Variants in GREM2 observed in about 807,000 individuals in gnomAD.
GREM2 encodes gremlin 2, DAN family BMP antagonist.
A neutral mutation model predicts 14.2 loss-of-function variants in GREM2; 11 were observed. The observed-to-expected ratio is 0.78, with a 90% CI of 0.49 to 1.28. The LOEUF (loss-of-function observed/expected upper bound fraction) is 1.28, where lower values mean the gene tolerates loss of function less well. Ranked by LOEUF, GREM2 falls within the 50% of genes most tolerant of loss-of-function variation. GREM2 has a pLI of 0.00. For missense variants in GREM2, 210 were observed against 218.5 expected, an observed-to-expected ratio of 0.96 and a Z score of 0.24; for synonymous variants, 98 against 97.6, an observed-to-expected ratio of 1.00 and a Z score of -0.02.
chr1:240,555,211 T>G (rs1678932259), intron 1 of GREM2, among the ~76,000 whole-genome samples: 1 of 151,988 alleles, frequency 6.6e-6, no homozygotes, highest in Non-Finnish European at 1.5e-5. Context: ...GAGGCCTTAT[T>G]TTGTAATATT....
chr1:240,495,953 T>G (rs12733347), intron 1 of GREM2, among the ~76,000 whole-genome samples: 275 of 110,732 alleles, frequency 2.5e-3, no homozygotes, highest in Middle Eastern at 0.016. Flanking sequence ...TTTTGTTTTT[T>G]TTTTGATGGA....
At chr1:240,524,519 ATGGTGT>A (rs1397913125) in intron 1 of GREM2, among the ~76,000 whole-genome samples, 2 of 152,244 alleles carry the variant, frequency 1.3e-5, no homozygotes, top group Non-Finnish European at 2.9e-5. Context: ...TTTACAATAA[ATGGTGT>A]TGGGACAACT....
At chr1:240,507,580 A>G (rs888481594) in intron 1 of GREM2, among the ~76,000 whole-genome samples, 1 of 152,094 alleles carries the variant, frequency 6.6e-6, no homozygotes, top group Admixed American at 6.5e-5. Context: ...TGATACGCCC[A>G]CCTTGGCCTC....
chr1:240,547,877 T>G (rs1380422913), intron 1 of GREM2, among the ~76,000 whole-genome samples: 1 of 151,728 alleles, frequency 6.6e-6, no homozygotes, highest in Non-Finnish European at 1.5e-5. Context: ...AGCCAGCTAT[T>G]GAATAAGTAA....
At chr1:240,521,558 G>C (rs981497513) in intron 1 of GREM2, among the ~76,000 whole-genome samples, 1 of 151,864 alleles carries the variant, frequency 6.6e-6, no homozygotes. Flanking sequence ...GCGACAGTGT[G>C]AGACTCCGTC....
At chr1:240,532,689 A>G (rs1407308756) in intron 1 of GREM2, among the ~76,000 whole-genome samples, 1 of 149,570 alleles carries the variant, frequency 6.7e-6, no homozygotes, top group Non-Finnish European at 1.5e-5. Flanking sequence ...AGATAGATAT[A>G]TGGCAAGAAC....
chr1:240,607,299 C>G (rs1934338), intron 1 of GREM2, among the ~76,000 whole-genome samples: 78,568 of 151,776 alleles, frequency 0.52, 21,360 homozygotes, highest in East Asian at 0.85. Context: ...CAGGTGCAAA[C>G]CCAGGTCTCC....
intron 1 of GREM2, among the ~76,000 whole-genome samples, chr1:240,570,230 G>A (rs1447678442): frequency 2.0e-5 from 3 of 152,160 alleles, no homozygotes; most frequent in African/African-American, 7.2e-5. Context: ...TTGGGAGGCT[G>A]AGGCGGGCAG....
chr1:240,548,296 T>TTAAA (rs900359441), intron 1 of GREM2, among the ~76,000 whole-genome samples: 3 of 151,484 alleles, frequency 2.0e-5, no homozygotes, highest in African/African-American at 2.4e-5. Context: ...ATAATAATAA[T>TTAAA]TAAATAAATA....
At chr1:240,589,627 A>G (rs958572894) in intron 1 of GREM2, among the ~76,000 whole-genome samples, 5 of 152,028 alleles carry the variant, frequency 3.3e-5, no homozygotes, top group African/African-American at 9.7e-5. Flanking sequence ...TCCTGATCTC[A>G]TGGGAGATCC....
chr1:240,526,106 T>C (rs1204770787), intron 1 of GREM2, among the ~76,000 whole-genome samples: 1 of 152,162 alleles, frequency 6.6e-6, no homozygotes, highest in Admixed American at 6.5e-5. Context: ...TCTCTCCATC[T>C]GAGGTCCTTA....
chr1:240,594,904 G>A (rs1403533566), intron 1 of GREM2, among the ~76,000 whole-genome samples: 1 of 152,104 alleles, frequency 6.6e-6, no homozygotes, highest in African/African-American at 2.4e-5. Flanking sequence ...TTACTGTACT[G>A]AATAGTATAA....
intron 1 of GREM2, among the ~76,000 whole-genome samples, chr1:240,535,230 G>C (rs149808133): frequency 3.9e-5 from 6 of 152,216 alleles, no homozygotes; most frequent in African/African-American, 1.4e-4. Context: ...ATAACAATCT[G>C]AGTTGATATG....
intron 1 of GREM2, among the ~76,000 whole-genome samples, chr1:240,553,769 T>C (rs777767362): frequency 2.7e-4 from 41 of 152,270 alleles, no homozygotes; most frequent in Non-Finnish European, 5.4e-4. Flanking sequence ...TGAACTCTTA[T>C]CTTTACAGAC....
chr1:240,506,346 G>A (rs1677675844), intron 1 of GREM2, among the ~76,000 whole-genome samples: 1 of 152,096 alleles, frequency 6.6e-6, no homozygotes, highest in South Asian at 2.1e-4. Context: ...TAGCTAATGG[G>A]TCCATAGAGG....
intron 1 of GREM2, among the ~76,000 whole-genome samples, chr1:240,575,223 A>T (rs570576988): frequency 6.6e-6 from 1 of 152,230 alleles, no homozygotes; most frequent in East Asian, 1.9e-4. Context: ...TTTAACTGTG[A>T]TAGTATTCAC....
chr1:240,601,733 C>A (rs915771262), intron 1 of GREM2, among the ~76,000 whole-genome samples: 50 of 152,114 alleles, frequency 3.3e-4, no homozygotes, highest in African/African-American at 1.1e-3. Flanking sequence ...ATGGCGAAAC[C>A]CCGTCTCTGC....
At chr1:240,601,366 A>G (rs189222222) in intron 1 of GREM2, among the ~76,000 whole-genome samples, 14 of 152,240 alleles carry the variant, frequency 9.2e-5, no homozygotes, top group Admixed American at 3.3e-4. Flanking sequence ...TACCCACCCA[A>G]CATAACCTAC....
At chr1:240,521,742 T>C (rs1423480704) in intron 1 of GREM2, among the ~76,000 whole-genome samples, 1 of 152,184 alleles carries the variant, frequency 6.6e-6, no homozygotes, top group Non-Finnish European at 1.5e-5. Flanking sequence ...TCTTTCTACC[T>C]GTAAGGCCAC....
Sources: gnomAD v4.1 joint callset for allele counts (sites outside exome capture counted in the v4.1 genomes callset) on GRCh38, gnomAD v4.1.1 for gene constraint, MANE v1.5 for transcripts, NCBI Gene and HGNC (gene_info 2026-07-23, HGNC 2026-07-21) for gene names.